Variants in LTBP1 observed in about 807,000 individuals in gnomAD.
LTBP1 encodes latent transforming growth factor beta binding protein 1, also known as latent-transforming growth factor beta-binding protein 1.
Under a neutral mutation model 207.6 loss-of-function variants are expected in LTBP1, and 129 were observed. The observed-to-expected ratio is 0.62, with a 90% CI of 0.54 to 0.72. The LOEUF (loss-of-function observed/expected upper bound fraction) is 0.72. Ranked by LOEUF, LTBP1 falls within the 30% of genes least tolerant of loss-of-function variation. LTBP1 has a pLI of 0.00. For missense variants in LTBP1, 2,281 were observed against 2,217.2 expected, an observed-to-expected ratio of 1.03 and a Z score of -0.58; for synonymous variants, 963 against 833.7, an observed-to-expected ratio of 1.16 and a Z score of -2.67.
intron 25 of LTBP1, 149 bp from the exon 26 acceptor site, chr2:33,347,218 C>T (rs1179839673): frequency 5.4e-6 from 4 of 736,280 alleles, no homozygotes; most frequent in East Asian, 2.7e-5. Flanking sequence ...TTAAAGAGCC[C>T]CTTCCCTAAA....
Position 33,134,694 on chromosome 2 carries a change from T to C in LTBP1, c.1034-99T>C, listed in dbSNP as rs757444875. The C allele has an allele frequency of 9.3e-6, 15 of 1,605,524 alleles. No individual in the cohort carries two copies. The South Asian group carries it at 1.7e-4, about 18-fold the overall frequency. On this transcript the variant is annotated intron_variant, in intron 4 of 33. Coordinates refer to ENST00000404816, the MANE Select transcript of LTBP1 (RefSeq NM_206943.4). This position sits in a 1 kb window ranked among gnomAD's most constrained non-coding sequence, Gnocchi z 4.4. ...TCTCTCTTTTCCCCTCTTGCTCCTTTCTTTTCTTTTTTTCTGTTTTTTTAA... is the reference window on the plus strand; with the variant it reads ...TCTCTCTTTTCCCCTCTTGCTCCTTCCTTTTCTTTTTTTCTGTTTTTTTAA...
intron 3 of LTBP1, among the ~76,000 whole-genome samples, chr2:33,097,840 T>C (rs572100718): frequency 1.8e-3 from 268 of 152,344 alleles, no homozygotes; most frequent in African/African-American, 6.1e-3. Context: ...GTAAATGTGC[T>C]GATTTATTGA....
intron 3 of LTBP1, among the ~76,000 whole-genome samples, chr2:33,042,342 T>G (rs17396766): frequency 0.098 from 14,882 of 152,234 alleles, 972 homozygotes; most frequent in Non-Finnish European, 0.14. Flanking sequence ...CAGGGAAAAC[T>G]AAAATGGACT....
intron 9 of LTBP1, among the ~76,000 whole-genome samples, chr2:33,231,008 T>G (rs1299647031): frequency 6.6e-6 from 1 of 152,214 alleles, no homozygotes; most frequent in African/African-American, 2.4e-5. Context: ...CTCGAAGACT[T>G]TTTAAATGAC....
chr2:33,202,022 A>AACACACACACACAC (rs10558832), intron 7 of LTBP1, among the ~76,000 whole-genome samples: 4,544 of 140,584 alleles, frequency 0.032, 95 homozygotes, highest in East Asian at 0.064. Context: ...TTAGCACTGG[A>AACACACACACACAC]ACACACACAC....
intron 2 of LTBP1, among the ~76,000 whole-genome samples, chr2:32,950,554 CAAAAA>C (rs61179206): frequency 4.4e-5 from 5 of 114,910 alleles, no homozygotes; most frequent in Admixed American, 8.9e-5. Flanking sequence ...GACTCTGTCT[CAAAAA>C]AAAAAAAAAA....
intron 2 of LTBP1, among the ~76,000 whole-genome samples, chr2:32,999,617 C>A (rs1396149406): frequency 7.5e-6 from 1 of 134,094 alleles, no homozygotes; most frequent in Non-Finnish European, 1.6e-5. Context: ...GGCGGCTGGG[C>A]GCGGTGGCTC....
In LTBP1 at chr2:33,347,499, G is replaced by A. The variant is rs141080282; in HGVS notation, c.3989G>A (p.Arg1330Gln). The A allele has an allele frequency of 4.6e-3, 7,404 of 1,614,050 alleles. 39 individuals are homozygous for A. Among genetic ancestry groups the A allele is most frequent in the Middle Eastern group, 0.032 (195 of 6,032 alleles). ...YSPMTGQCRSRTSTDLDVDVD... is the reference protein window; with the variant it reads ...YSPMTGQCRSQTSTDLDVDVD... ...CCCATGACTGGGCAGTGCCGCTCCC[G>A]GACCTCCACAGGTAAGTCCCAGTGA... The change falls in exon 26 of 34, where the codon CGG becomes CAG. Residue 1330 changes from arginine (R) to glutamine (Q), a missense_variant. This residue lies in a region of LTBP1 where 1,671 missense variants were observed against 1,634.8 expected (regional missense o/e 1.02). Coordinates refer to ENST00000404816, the MANE Select transcript of LTBP1 (RefSeq NM_206943.4).
intron 10 of LTBP1, 76 bp from the exon 11 acceptor site, chr2:33,252,601 T>TC (rs1177021242): frequency 7.4e-7 from 1 of 1,355,298 alleles, no homozygotes; most frequent in East Asian, 2.3e-5. Context: ...ACCTTAGGGT[T>TC]CATTTTACTA....
chr2:33,181,034 C>G (rs1368064520), intron 5 of LTBP1, among the ~76,000 whole-genome samples: 1 of 152,134 alleles, frequency 6.6e-6, no homozygotes, highest in Non-Finnish European at 1.5e-5. Context: ...GGTTTTCCTT[C>G]AGATGGAGGT....
intron 15 of LTBP1, among the ~76,000 whole-genome samples, chr2:33,265,711 CTGAGAGATTTAAGTGTT>C (rs2093157686): frequency 1.3e-5 from 2 of 151,678 alleles, no homozygotes; most frequent in South Asian, 4.2e-4. Context: ...TTAGTGGCAT[CTGAGAGATTTAAGTGTT>C]TTATTTTAGA....
chr2:32,999,297 G>A (rs958884992), intron 2 of LTBP1, among the ~76,000 whole-genome samples: 4 of 152,082 alleles, frequency 2.6e-5, no homozygotes, highest in Admixed American at 6.6e-5. Flanking sequence ...TTTTCTTTCC[G>A]GGATGTGCAT....
chr2:33,394,210 G>A (rs1004254928), intron 32 of LTBP1, among the ~76,000 whole-genome samples: 3 of 151,904 alleles, frequency 2.0e-5, no homozygotes, highest in African/African-American at 4.8e-5. Flanking sequence ...TTGTCAGATG[G>A]GTAGATTGTA....
chr2:33,293,562 C>T (rs1366104292), intron 20 of LTBP1, among the ~76,000 whole-genome samples: 1 of 152,104 alleles, frequency 6.6e-6, no homozygotes, highest in African/African-American at 2.4e-5. Flanking sequence ...GCAATACACA[C>T]AGTTGCACAA....
At chr2:33,228,031 T>C (rs770717482) in intron 9 of LTBP1, among the ~76,000 whole-genome samples, 5 of 151,996 alleles carry the variant, frequency 3.3e-5, no homozygotes, top group Non-Finnish European at 4.4e-5. Context: ...TGTCTTGATC[T>C]CCTGACCTCG....
intron 3 of LTBP1, among the ~76,000 whole-genome samples, chr2:33,085,944 C>T (rs2078729282): frequency 6.6e-6 from 1 of 152,164 alleles, no homozygotes; most frequent in African/African-American, 2.4e-5. Flanking sequence ...ATCCATGGTG[C>T]ATTGGGAGTC....
chr2:33,309,536 A>G lies in LTBP1; in HGVS notation c.3584A>G (p.Asp1195Gly). ...ACTTGTCCGGATGGATTTCAGCTAG[A>G]TGACAATAAAACATGTCAAGGTATT... is the stretch of plus-strand genomic sequence containing the variant. ...DCTCPDGFQL[D>G]DNKTCQDINE... Residue 1195 changes from aspartate (D) to glycine (G), a missense_variant, in exon 23 of 34, where the codon GAT (aspartate) becomes GGT (glycine). Asp to Gly is a moderately conservative substitution (Grantham distance 94). Coordinates refer to ENST00000404816, the MANE Select transcript of LTBP1 (RefSeq NM_206943.4). 7 of 1,607,958 alleles carry G rather than the reference A, an allele frequency of 4.4e-6. No individual in the cohort carries two copies. Among genetic ancestry groups the G allele is most frequent in the Non-Finnish European group, 5.9e-6 (7 of 1,178,136 alleles).
chr2:33,056,390 G>C, intron 3 of LTBP1: 1 of 1,261,072 alleles, frequency 7.9e-7, no homozygotes, highest in East Asian at 2.8e-5. Context: ...TGGCCTGGAT[G>C]TTAGGCAAAA....
At chr2:33,190,339 C>CGT (rs10678958) in intron 7 of LTBP1, among the ~76,000 whole-genome samples, 6,452 of 151,848 alleles carry the variant, frequency 0.042, 475 homozygotes, top group African/African-American at 0.15. Flanking sequence ...AAAAATATAT[C>CGT]GTGTGTGTGT....
Sources: gnomAD v4.1 joint callset for allele counts (sites outside exome capture counted in the v4.1 genomes callset) on GRCh38, gnomAD v4.1.1 for gene constraint, gnomAD v4.1.1 regional missense constraint, Gnocchi (gnomAD v3.1) non-coding constraint, MANE v1.5 for transcripts, NCBI Gene and HGNC (gene_info 2026-07-23, HGNC 2026-07-21) for gene names.